The following ELMOD3 variants were observed in gnomAD, a reference collection of about 807,000 sequenced individuals.
The protein encoded by ELMOD3 is ELMO domain-containing protein 3.
In ELMOD3, 36 loss-of-function variants were observed where a neutral mutation model predicts 47.4. That is an observed-to-expected ratio of 0.76 (90% CI 0.58 to 1.00). The LOEUF (loss-of-function observed/expected upper bound fraction) is 1.00. ELMOD3 is among the 50% of genes least tolerant of loss of function. ELMOD3 has a pLI of 0.00. For synonymous variants in ELMOD3, 149 were observed against 183.5 expected (o/e 0.81, Z 1.52); for missense variants, 404 against 463.8 (o/e 0.87, Z 1.18).
chr2:85,373,936 T>A (rs1192123445), intron 10 of ELMOD3, among the ~76,000 whole-genome samples: 1 of 150,706 alleles, frequency 6.6e-6, no homozygotes, highest in Admixed American at 6.6e-5. Flanking sequence ...TTTTTTTTTT[T>A]TTCTATTTCA....
intron 4 of ELMOD3, 109 bp from the exon 5 acceptor site, chr2:85,362,077 C>A (rs1684012179): frequency 2.8e-6 from 2 of 715,272 alleles, no homozygotes; most frequent in Non-Finnish European, 4.9e-6. Context: ...CAAACCTGCA[C>A]ATGTACCCCT....
chr2:85,379,160 GA>G lies in ELMOD3; in HGVS notation c.738+1695del, dbSNP rs373378388. Among the ~76,000 whole-genome samples the G allele has an allele frequency of 3.9e-3, 582 of 150,308 alleles. 8 individuals carry two copies. The highest frequency in any genetic ancestry group is 0.013 in the African/African-American group (547 of 41,030). On this transcript the variant is annotated intron_variant, in intron 11 of 13. Transcript: ENST00000409013. ...TCAGTGACTCCAAATTAGGAAAATG[GA>G]AAAAAAAAGGAGGAAAAGAAATTTA...
chr2:85,373,048 A>G (rs978554473), intron 10 of ELMOD3: 2 of 152,012 alleles, frequency 1.3e-5, no homozygotes, highest in Non-Finnish European at 2.9e-5. Context: ...TGAGGTCAAC[A>G]GTCTGAGACC....
chr2:85,376,703 T>C lies in ELMOD3; in HGVS notation c.608-641T>C, dbSNP rs1446207255. Among the ~76,000 whole-genome samples, 1 of 152,240 alleles carries C rather than the reference T, an allele frequency of 6.6e-6. No homozygotes were observed. Among genetic ancestry groups the C allele is most frequent in the Non-Finnish European group, 1.5e-5 (1 of 68,042 alleles). ...GGGCCACATTTTTCTCTGTGGTGTT[T>C]TGCTGCAGTAGGGTGGGTATTGGCT... On this transcript the variant is annotated intron_variant, in intron 10 of 13. Coordinates refer to ENST00000409013, the MANE Select transcript of ELMOD3 (RefSeq NM_001135022.2). This position sits in a 1 kb window ranked among gnomAD's most constrained non-coding sequence, Gnocchi z 4.2.
In ELMOD3 at chr2:85,391,064, C is replaced by A; in HGVS notation, c.*102C>A. 1 of 1,177,772 alleles carries A rather than the reference C, an allele frequency of 8.5e-7. No individual in the cohort carries two copies. Among genetic ancestry groups the A allele is most frequent in the South Asian group, 1.5e-5 (1 of 65,464 alleles). The allele number at this position is 1,177,772 out of a possible 1,614,324, so 73.0% of individuals were successfully genotyped here. On this transcript the variant is annotated 3_prime_UTR_variant, in exon 14 of 14. Coordinates refer to ENST00000409013, the MANE Select transcript of ELMOD3 (RefSeq NM_001135022.2). Reference sequence around the variant, plus strand: ...GGCCAGGCCGCACCCCTTGCTGTCTCAGCAGATGGGATATAGGAAGCTCCT... The same window carrying A: ...GGCCAGGCCGCACCCCTTGCTGTCTAAGCAGATGGGATATAGGAAGCTCCT...
intron 8 of ELMOD3, among the ~76,000 whole-genome samples, chr2:85,370,146 A>T (rs1490279602): frequency 6.6e-6 from 1 of 152,168 alleles, no homozygotes; most frequent in African/African-American, 2.4e-5. Flanking sequence ...CTGTTCAGGG[A>T]GCTGAGTGAT....
rs1016522285 is a variant in ELMOD3, at chr2:85,391,356, C to G, written c.*394C>G. On this transcript the variant is annotated 3_prime_UTR_variant, in exon 14 of 14. Coordinates refer to ENST00000409013, the MANE Select transcript of ELMOD3 (RefSeq NM_001135022.2). Reference sequence around the variant, plus strand: ...AGCCAGAATTCTGACTCCCTGGCAGCAGCAGGGCTTTCAGGCACCAGTGTC... The same window carrying G: ...AGCCAGAATTCTGACTCCCTGGCAGGAGCAGGGCTTTCAGGCACCAGTGTC... 1.1e-5 allele frequency: 2 copies of G among 183,958 alleles called. No individual in the cohort carries two copies. Among genetic ancestry groups the G allele is most frequent in the Non-Finnish European group, 2.3e-5 (2 of 87,668 alleles). 11.4% of individuals were successfully genotyped at this position (183,958 alleles called of 1,614,324 possible). A position where few individuals can be genotyped will look rare whatever the true frequency, so the allele number is the denominator to read the frequency against.
In ELMOD3 at chr2:85,369,743, C is replaced by T. The variant is rs1314410006; in HGVS notation, c.273C>T (p.Ser91=). The change falls in exon 8 of 14, where the codon AGC becomes AGT. Residue 91 remains serine, a synonymous_variant. Transcript: ENST00000409013. ...AVDTIQPETG[S]QASSEQPGQL... ...ATGTCTTCCGTTTTGCCACAGGGAGCCAAGCTAGCTCAGAGCAGCCTGGGC... is the reference window on the plus strand; with the variant it reads ...ATGTCTTCCGTTTTGCCACAGGGAGTCAAGCTAGCTCAGAGCAGCCTGGGC... 1 of 1,613,534 alleles carries T rather than the reference C, an allele frequency of 6.2e-7. No individual in the cohort carries two copies. Among genetic ancestry groups the T allele is most frequent in the Non-Finnish European group, 8.5e-7 (1 of 1,179,724 alleles).
At chr2:85,386,349 A>T (rs1452130950) in intron 11 of ELMOD3, among the ~76,000 whole-genome samples, 1 of 149,972 alleles carries the variant, frequency 6.7e-6, no homozygotes, top group Non-Finnish European at 1.5e-5. Flanking sequence ...TTAGATCTGA[A>T]ATCCAATTTT....
rs142807269 is a variant in ELMOD3 at position 85,377,372 on chromosome 2, C to T, written c.636C>T (p.Gly212=). The part of the protein sequence containing the change: ...QGANPATDLR[G]AGFLALLHLL... ...CGAATCCAGCCACAGACCTGAGAGG[C>T]GCAGGCTTCCTTGCCCTCCTGCATC... Residue 212 remains glycine (G), a synonymous_variant, in exon 11 of 14, where the codon GGC becomes GGT. Transcript: ENST00000409013. The T allele has an allele frequency of 6.5e-5, 104 of 1,608,386 alleles. 1 individual carries two copies. The African/African-American group carries it at 1.2e-3, about 18-fold the overall frequency.
At chr2:85,375,302 T>C (rs1472454426) in intron 10 of ELMOD3, among the ~76,000 whole-genome samples, 1 of 152,240 alleles carries the variant, frequency 6.6e-6, no homozygotes, top group Non-Finnish European at 1.5e-5. Flanking sequence ...ATTCCAATGA[T>C]ACAAATGCTA....
At chr2:85,379,179 G>T (rs1685377496) in intron 11 of ELMOD3, among the ~76,000 whole-genome samples, 1 of 152,176 alleles carries the variant, frequency 6.6e-6, no homozygotes, top group African/African-American at 2.4e-5. Context: ...AGGAGGAAAA[G>T]AAATTTAAAA....
At chr2:85,377,568 A>G in intron 11 of ELMOD3, 94 bp downstream of exon 11, 1 of 1,340,516 alleles carries the variant, frequency 7.5e-7, no homozygotes, top group Non-Finnish European at 1.0e-6. Context: ...GAGATAAACC[A>G]GGAATGGGCT....
chr2:85,361,035 T>A (rs1050806185), intron 4 of ELMOD3: 1 of 152,622 alleles, frequency 6.6e-6, no homozygotes, highest in Admixed American at 6.5e-5. Flanking sequence ...CCCAGGCTGC[T>A]CTCGAACTCC....
intron 10 of ELMOD3, among the ~76,000 whole-genome samples, chr2:85,373,165 G>A (rs1382431202): frequency 6.6e-6 from 1 of 151,384 alleles, no homozygotes; most frequent in Non-Finnish European, 1.5e-5. Context: ...TGAGGCAGGA[G>A]AATCGCTTGA....
At chr2:85,359,235 A>G (rs1683770901) in intron 4 of ELMOD3, among the ~76,000 whole-genome samples, 1 of 152,204 alleles carries the variant, frequency 6.6e-6, no homozygotes, top group Non-Finnish European at 1.5e-5. Context: ...AGAATGCAGT[A>G]TCAGGCCCCG....
chr2:85,361,174 A>G (rs1683925578), intron 4 of ELMOD3, among the ~76,000 whole-genome samples: 2 of 151,268 alleles, frequency 1.3e-5, no homozygotes, highest in African/African-American at 4.9e-5. Context: ...CTGTGAAATG[A>G]GTTACAAACA....
At chr2:85,368,610 G>A (rs1183097644) in intron 6 of ELMOD3, 76 bp from the exon 7 acceptor site, 5 of 1,490,660 alleles carry the variant, frequency 3.4e-6, no homozygotes, top group South Asian at 2.3e-5. Context: ...AAGGCAGGCA[G>A]ACAAGGCTGG....
intron 6 of ELMOD3, 137 bp from the exon 7 acceptor site, chr2:85,368,549 C>T (rs1684563357): frequency 2.8e-6 from 2 of 718,784 alleles, no homozygotes; most frequent in Admixed American, 2.5e-5. Context: ...CACTGCACTC[C>T]AGCCTGGGCA....
Sources: allele counts gnomAD v4.1 joint callset (sites outside exome capture counted in the v4.1 genomes callset), GRCh38; gene constraint gnomAD v4.1.1; non-coding constraint Gnocchi (gnomAD v3.1); transcripts MANE v1.5; gene names NCBI Gene and HGNC (gene_info 2026-07-23, HGNC 2026-07-21).